DIAPH3: variants seen among roughly 807,000 people sequenced by gnomAD.
DIAPH3 encodes diaphanous related formin 3, also known as protein diaphanous homolog 3.
In DIAPH3, 117 loss-of-function variants were observed where a neutral mutation model predicts 144.3. That is an observed-to-expected ratio of 0.81 (90% CI 0.70 to 0.95). DIAPH3 has a LOEUF of 0.95. Ranked by LOEUF, DIAPH3 falls within the 40% of genes least tolerant of loss-of-function variation. DIAPH3 has a pLI of 0.00. For missense variants in DIAPH3, 1,421 were observed against 1,412.7 expected, an observed-to-expected ratio of 1.01 and a Z score of -0.09; for synonymous variants, 519 against 488.9, an observed-to-expected ratio of 1.06 and a Z score of -0.81.
intron 2 of DIAPH3, among the ~76,000 whole-genome samples, chr13:60,114,160 G>A (rs1237607397): frequency 6.7e-6 from 1 of 150,334 alleles, no homozygotes; most frequent in Non-Finnish European, 1.5e-5. Flanking sequence ...AAAACAGAAA[G>A]AGAACTCTAC....
At position 59,847,205 on chromosome 13, in the gene DIAPH3, C is replaced by A. The variant is rs145017478; in HGVS notation, c.2738-7757G>T. Among the ~76,000 whole-genome samples, 13 of 152,242 alleles carry A rather than the reference C, an allele frequency of 8.5e-5. No individual in the cohort carries two copies. In the East Asian group the frequency reaches 2.5e-3, roughly 29 times the overall value. On this transcript the variant is annotated intron_variant, in intron 22 of 27. Coordinates refer to ENST00000400324, the MANE Select transcript of DIAPH3 (RefSeq NM_001042517.2). ...CCCATTGTTCTGATTCTTGATGGAA[C>A]CCCAGGTAATAACAAATGGAATTTG...
intron 3 of DIAPH3, among the ~76,000 whole-genome samples, chr13:60,095,900 C>T (rs964681092): frequency 1.3e-5 from 2 of 152,094 alleles, no homozygotes; most frequent in Non-Finnish European, 2.9e-5. Flanking sequence ...TCTGTGGTAT[C>T]TGAATCCCCA....
chr13:59,825,480 A>T (rs2041349927), intron 24 of DIAPH3, among the ~76,000 whole-genome samples: 1 of 152,198 alleles, frequency 6.6e-6, no homozygotes, highest in Non-Finnish European at 1.5e-5. Context: ...TATTGTGAAT[A>T]GTGTACAATA....
At chr13:60,031,134 T>C (rs1245391643) in intron 5 of DIAPH3, among the ~76,000 whole-genome samples, 1 of 152,140 alleles carries the variant, frequency 6.6e-6, no homozygotes, top group Non-Finnish European at 1.5e-5. Flanking sequence ...CCTCTGCTTC[T>C]GGGAAGGCCT....
intron 27 of DIAPH3, among the ~76,000 whole-genome samples, chr13:59,685,682 G>C (rs567812895): frequency 6.6e-6 from 1 of 152,176 alleles, no homozygotes; most frequent in African/African-American, 2.4e-5. Flanking sequence ...CTGTTGAAAG[G>C]GGGGACTCTC....
At chr13:60,028,669 C>G (rs2054558461) in intron 5 of DIAPH3, among the ~76,000 whole-genome samples, 1 of 152,198 alleles carries the variant, frequency 6.6e-6, no homozygotes, top group Admixed American at 6.5e-5. Flanking sequence ...AATATCTCCA[C>G]TCCACATATG....
chr13:60,032,846 C>T (rs570444852), intron 5 of DIAPH3, among the ~76,000 whole-genome samples: 2 of 152,340 alleles, frequency 1.3e-5, no homozygotes, highest in East Asian at 3.9e-4. Context: ...TTTTTCTTTG[C>T]CACATGGGCA....
chr13:59,924,600 T>A (rs1334720774), intron 18 of DIAPH3, among the ~76,000 whole-genome samples, 175 bp downstream of exon 18: 2 of 151,966 alleles, frequency 1.3e-5, no homozygotes, highest in Non-Finnish European at 2.9e-5. Flanking sequence ...TATGCACTTA[T>A]CTTTTGAAGC....
chr13:60,151,088 GAAA>G (rs1200982594), intron 1 of DIAPH3, among the ~76,000 whole-genome samples: 2 of 103,688 alleles, frequency 1.9e-5, no homozygotes, highest in Non-Finnish European at 2.0e-5. Context: ...TGTCCCCCAG[GAAA>G]AAAAAAAAAA....
At chr13:59,978,840 G>A (rs1339664621) in intron 14 of DIAPH3, among the ~76,000 whole-genome samples, 1 of 151,596 alleles carries the variant, frequency 6.6e-6, no homozygotes, top group Non-Finnish European at 1.5e-5. Flanking sequence ...TAAGGTTGAG[G>A]CTCTGCTTAA....
At chr13:59,763,266 G>T (rs561476672) in intron 27 of DIAPH3, among the ~76,000 whole-genome samples, 1 of 150,354 alleles carries the variant, frequency 6.7e-6, no homozygotes, top group Non-Finnish European at 1.5e-5. Flanking sequence ...ATATACATAT[G>T]TACACATATA....
At chr13:59,766,169 G>A (rs1305387233) in intron 27 of DIAPH3, among the ~76,000 whole-genome samples, 3 of 152,168 alleles carry the variant, frequency 2.0e-5, no homozygotes, top group African/African-American at 4.8e-5. Flanking sequence ...GTGGTCACAC[G>A]TGGTGATTAC....
At chr13:59,827,596 G>C (rs567589743) in intron 24 of DIAPH3, among the ~76,000 whole-genome samples, 1 of 151,994 alleles carries the variant, frequency 6.6e-6, no homozygotes, top group Non-Finnish European at 1.5e-5. Flanking sequence ...TAAGGAAAGA[G>C]AATAGTAAAA....
chr13:59,802,247 G>A (rs2039940762), intron 25 of DIAPH3, among the ~76,000 whole-genome samples: 1 of 152,100 alleles, frequency 6.6e-6, no homozygotes, highest in Non-Finnish European at 1.5e-5. Flanking sequence ...GTGCTAGATC[G>A]GTTGCTGAAA....
At chr13:59,670,586 T>C (rs1325312254) in intron 27 of DIAPH3, among the ~76,000 whole-genome samples, 2 of 140,726 alleles carry the variant, frequency 1.4e-5, no homozygotes, top group African/African-American at 3.1e-5. Flanking sequence ...AAGTTCACTT[T>C]TTTTTTTTTT....
At chr13:59,945,675 A>G (rs1310322421) in intron 17 of DIAPH3, among the ~76,000 whole-genome samples, 1 of 152,016 alleles carries the variant, frequency 6.6e-6, no homozygotes, top group East Asian at 1.9e-4. Flanking sequence ...TACAATAGGA[A>G]TCACAGAGCT....
intron 27 of DIAPH3, among the ~76,000 whole-genome samples, chr13:59,765,764 T>TACTG (rs2037834512): frequency 6.6e-6 from 1 of 152,220 alleles, no homozygotes; most frequent in Non-Finnish European, 1.5e-5. Context: ...TTATTTTTAA[T>TACTG]ACTGACAGGT....
At chr13:59,854,937 T>G (rs1480826072) in intron 22 of DIAPH3, among the ~76,000 whole-genome samples, 1 of 152,218 alleles carries the variant, frequency 6.6e-6, no homozygotes, top group Non-Finnish European at 1.5e-5. Flanking sequence ...CATCATCTAT[T>G]AGCCCAAGCC....
intron 27 of DIAPH3, among the ~76,000 whole-genome samples, chr13:59,733,429 T>C (rs571593353): frequency 9.2e-5 from 14 of 152,264 alleles, no homozygotes; most frequent in African/African-American, 2.2e-4. Context: ...ATTGAAAAAC[T>C]AGTGTGTAAC....
Sources: allele counts gnomAD v4.1 joint callset (sites outside exome capture counted in the v4.1 genomes callset), GRCh38; gene constraint gnomAD v4.1.1; transcripts MANE v1.5; gene names NCBI Gene and HGNC (gene_info 2026-07-23, HGNC 2026-07-21).